ELAVL4: variants seen among roughly 807,000 people sequenced by gnomAD.
ELAVL4 encodes the protein ELAV-like protein 4.
A neutral mutation model predicts 35.6 loss-of-function variants in ELAVL4; 1 was observed. The observed-to-expected ratio is 0.03, with a 90% CI of 0.01 to 0.13. The LOEUF is 0.13. Among genes scored for constraint, ELAVL4 ranks in the 10% least tolerant of loss-of-function variants. The pLI is 1.00. For missense variants in ELAVL4, 267 were observed against 464.9 expected, an observed-to-expected ratio of 0.57 and a Z score of 3.91; for synonymous variants, 156 against 171.0, an observed-to-expected ratio of 0.91 and a Z score of 0.69.
intron 2 of ELAVL4, among the ~76,000 whole-genome samples, chr1:50,159,383 G>A (rs182878714): frequency 4.3e-4 from 66 of 152,174 alleles, no homozygotes; most frequent in Non-Finnish European, 6.3e-4. Flanking sequence ...CGAGGCAGGC[G>A]GATCACTTGA....
At chr1:50,100,192 AAATGAGATTT>A (rs1665905451), upstream of ELAVL4, among the ~76,000 whole-genome samples, 1 of 152,240 alleles carries the variant, frequency 6.6e-6, no homozygotes. Flanking sequence ...TTGTGAGATT[AAATGAGATTT>A]ATAGGCACAG....
chr1:50,171,972 T>C (rs931993428), intron 2 of ELAVL4, among the ~76,000 whole-genome samples: 1 of 152,244 alleles, frequency 6.6e-6, no homozygotes, highest in South Asian at 2.1e-4. Context: ...CTAACTTCCA[T>C]AAAAATTCCT....
Position 50,201,259 on chromosome 1 carries a change from AAG to A in ELAVL4, c.*89_*90del, listed in dbSNP as rs905169523. 5 of 1,416,476 alleles carry A rather than the reference AAG, an allele frequency of 3.5e-6. No individual in the cohort carries two copies. The highest frequency in any genetic ancestry group is 2.4e-4 in the Middle Eastern group (1 of 4,138). 87.7% of individuals were successfully genotyped at this position (1,416,476 alleles called of 1,614,324 possible). A position where few individuals can be genotyped will look rare whatever the true frequency, so the allele number is the denominator to read the frequency against. On this transcript the variant is annotated 3_prime_UTR_variant, in exon 7 of 7. Transcript: ENST00000371824. The surrounding 1 kb of genome is among the most constrained non-coding windows in gnomAD (Gnocchi z 4.3). ...CGCGCGCACACACACACATACACGAAAGAGAGAGAAACAAACTTTTCAAGGCT... is the reference window on the plus strand; with the variant it reads ...CGCGCGCACACACACACATACACGAAAGAGAGAAACAAACTTTTCAAGGCT...
intron 1 of ELAVL4, among the ~76,000 whole-genome samples, chr1:50,068,855 C>G (rs995509893): frequency 6.6e-6 from 1 of 152,182 alleles, no homozygotes; most frequent in African/African-American, 2.4e-5. Flanking sequence ...TTAATAACAA[C>G]GCTTTACTTA....
intron 2 of ELAVL4, among the ~76,000 whole-genome samples, chr1:50,170,086 G>A (rs963535067): frequency 1.3e-5 from 2 of 152,174 alleles, no homozygotes; most frequent in African/African-American, 2.4e-5. Context: ...ATCAGAAGCA[G>A]CCTCTACCTT....
chr1:50,147,542 G>A (rs1333873037), intron 2 of ELAVL4, among the ~76,000 whole-genome samples: 3 of 152,092 alleles, frequency 2.0e-5, no homozygotes, highest in Admixed American at 6.6e-5. Flanking sequence ...GGACCTCCCC[G>A]AGGCCAACAT....
chr1:50,123,844 G>C (rs1019881968), intron 1 of ELAVL4, among the ~76,000 whole-genome samples: 6 of 152,190 alleles, frequency 3.9e-5, no homozygotes, highest in Admixed American at 3.3e-4. Context: ...ACCCAGAAAG[G>C]CTTGCCTTAA....
At chr1:50,119,036 A>AAAAGAGAG (rs1668505159) in intron 1 of ELAVL4, among the ~76,000 whole-genome samples, 1 of 127,174 alleles carries the variant, frequency 7.9e-6, no homozygotes, top group Admixed American at 8.4e-5. Context: ...GAAAGAAAGA[A>AAAAGAGAG]AAAGAAAGAA....
rs560123678 is a variant in ELAVL4 at position 50,048,298 on chromosome 1, C to T, written c.18+116C>T. On this transcript the variant is annotated intron_variant, in intron 1 of 6. Coordinates refer to the ELAVL4 transcript ENST00000448907. ...CTCCCAGCGGCCAGCCTGGCCACCCCGACTCCCAGGGAGGGGGAGAGGGCC... is the reference window on the plus strand; with the variant it reads ...CTCCCAGCGGCCAGCCTGGCCACCCTGACTCCCAGGGAGGGGGAGAGGGCC... 1.1e-4 allele frequency: 146 copies of T among 1,301,240 alleles called. No homozygotes were observed. The African/African-American group carries it at 2.2e-3, about 19-fold the overall frequency. The allele number at this position is 1,301,240 out of a possible 1,614,324, so 80.6% of individuals were successfully genotyped here.
intron 1 of ELAVL4, among the ~76,000 whole-genome samples, chr1:50,122,955 G>A (rs1669273186): frequency 1.3e-5 from 2 of 152,018 alleles, no homozygotes; most frequent in Non-Finnish European, 2.9e-5. Flanking sequence ...CTATTTGGTA[G>A]TCTGTAAATA....
intron 2 of ELAVL4, among the ~76,000 whole-genome samples, chr1:50,146,947 T>C (rs982894305): frequency 2.6e-5 from 4 of 152,074 alleles, no homozygotes; most frequent in African/African-American, 9.7e-5. Flanking sequence ...AACAAGCAGA[T>C]TCCTTTACTG....
chr1:50,068,416 C>A (rs1310456981), intron 1 of ELAVL4, among the ~76,000 whole-genome samples: 1 of 152,094 alleles, frequency 6.6e-6, no homozygotes, highest in Admixed American at 6.6e-5. Flanking sequence ...AAGCTGGGAC[C>A]AATGGCTGGA....
At chr1:50,068,729 G>C (rs1223248438) in intron 1 of ELAVL4, among the ~76,000 whole-genome samples, 1 of 152,192 alleles carries the variant, frequency 6.6e-6, no homozygotes, top group Non-Finnish European at 1.5e-5. Context: ...ATCATGACTG[G>C]TTGAGTGAAA....
At chr1:50,127,484 G>T (rs1385033714) in intron 1 of ELAVL4, among the ~76,000 whole-genome samples, 1 of 152,098 alleles carries the variant, frequency 6.6e-6, no homozygotes, top group Non-Finnish European at 1.5e-5. Flanking sequence ...GGACATATAT[G>T]CAAAGACATG....
At position 50,163,608 on chromosome 1, in the gene ELAVL4, T is replaced by C. The variant is rs114147188; in HGVS notation, c.251-13481T>C. ...TTGGGAGGTCGAGGCGGCAGATCAC[T>C]TGAGGCCAGAAGTTCGAGACCAGCC... On this transcript the variant is annotated intron_variant, in intron 2 of 6. Coordinates refer to ENST00000371824, the MANE Select transcript of ELAVL4 (RefSeq NM_001144774.3). Among the ~76,000 whole-genome samples, 706 of 152,252 alleles carry C rather than the reference T, an allele frequency of 4.6e-3. 6 individuals are homozygous for C. Among genetic ancestry groups the C allele is most frequent in the African/African-American group, 0.015 (623 of 41,546 alleles).
At chr1:50,188,705 C>T (rs1337487522) in intron 3 of ELAVL4, among the ~76,000 whole-genome samples, 2 of 152,326 alleles carry the variant, frequency 1.3e-5, no homozygotes, top group Non-Finnish European at 2.9e-5. Context: ...ATGTGTGCTT[C>T]CAGCTGGCGT....
chr1:50,055,171 T>A (rs973768562), intron 1 of ELAVL4, among the ~76,000 whole-genome samples: 3 of 152,216 alleles, frequency 2.0e-5, no homozygotes, highest in Admixed American at 6.5e-5. Context: ...ACGACAGTCT[T>A]GGAGAAGTTG....
intron 3 of ELAVL4, among the ~76,000 whole-genome samples, 189 bp from the exon 4 acceptor site, chr1:50,193,576 C>T (rs968570726): frequency 1.3e-5 from 2 of 152,082 alleles, no homozygotes; most frequent in Non-Finnish European, 2.9e-5. Context: ...TCCTGTTGTT[C>T]CTCTATTGTT....
chr1:50,137,778 A>G (rs1289240652), intron 1 of ELAVL4, among the ~76,000 whole-genome samples: 1 of 152,136 alleles, frequency 6.6e-6, no homozygotes, highest in Non-Finnish European at 1.5e-5. Context: ...AAGGAAGGAA[A>G]GGTTTTACTT....
Sources: gnomAD v4.1 joint callset for allele counts (sites outside exome capture counted in the v4.1 genomes callset) on GRCh38, gnomAD v4.1.1 for gene constraint, Gnocchi (gnomAD v3.1) non-coding constraint, MANE v1.5 for transcripts, NCBI Gene and HGNC (gene_info 2026-07-23, HGNC 2026-07-21) for gene names.